The following CWC25 variants were observed in gnomAD, a reference collection of about 807,000 sequenced individuals.
CWC25 encodes CWC25 spliceosome associated protein.
A neutral mutation model predicts 54.6 loss-of-function variants in CWC25; 31 were observed. That is an observed-to-expected ratio of 0.57 (90% CI 0.43 to 0.77). The LOEUF is 0.77. Among genes scored for constraint, CWC25 ranks in the 30% least tolerant of loss-of-function variants. The pLI is 0.00. For synonymous variants in CWC25, 151 were observed against 187.0 expected (o/e 0.81, Z 1.57); for missense variants, 453 against 529.3 (o/e 0.86, Z 1.41).
At chr17:38,819,381 T>G (rs111929257) in intron 2 of CWC25, among the ~76,000 whole-genome samples, 3,659 of 150,654 alleles carry the variant, frequency 0.024, 175 homozygotes, top group African/African-American at 0.084. Flanking sequence ...TGGTTTTTTT[T>G]TTTTGAGACG....
At position 38,806,374 on chromosome 17, in the gene CWC25, C is replaced by G; in HGVS notation, c.924G>C (p.Arg308Ser). The G allele has an allele frequency of 1.2e-6, 2 of 1,613,628 alleles. No homozygotes were observed. Among genetic ancestry groups the G allele is most frequent in the Non-Finnish European group, 1.7e-6 (2 of 1,179,782 alleles). The change falls in exon 8 of 10, where the codon AGG (arginine) becomes AGC (serine). Residue 308 changes from arginine to serine, a missense_variant. Physicochemically the swap from Arg to Ser is moderately radical, Grantham distance 110. Around this residue, in one of 2 missense-constraint regions of CWC25, gnomAD observed 444 missense variants for 499.2 expected, o/e 0.89. Coordinates refer to ENST00000614790, the MANE Select transcript of CWC25 (RefSeq NM_017748.5). Reference sequence around the variant, plus strand: ...GGCTCCTAGTTTGGCCTGTCTCTCTCCTGTTCACCTTAGAGTTGTGCCTGT... The same window carrying G: ...GGCTCCTAGTTTGGCCTGTCTCTCTGCTGTTCACCTTAGAGTTGTGCCTGT... ...PSKLHNSKVN[R>S]RETGQTRSPS...
At chr17:38,815,799 G>A in intron 2 of CWC25, 1 of 628,836 alleles carries the variant, frequency 1.6e-6, no homozygotes, top group Non-Finnish European at 2.3e-6. Flanking sequence ...AACAATTTCA[G>A]TGACCACATA....
Position 38,810,385 on chromosome 17 carries a change from G to A in CWC25, c.626+83C>T, listed in dbSNP as rs1298353538. On this transcript the variant is annotated intron_variant, in intron 5 of 9. Transcript: ENST00000614790. ...CCAGTACCTGGCAGCTTCCAGCACA[G>A]GGCAGGTGTTCATGTCTGTGGAATG... The A allele has an allele frequency of 3.5e-6, 5 of 1,412,222 alleles. No individual in the cohort carries two copies. The South Asian group carries it at 7.3e-5, about 21-fold the overall frequency. 87.5% of individuals were successfully genotyped at this position (1,412,222 alleles called of 1,614,324 possible).
At chr17:38,809,571 G>C (rs1911401938) in intron 6 of CWC25, 131 bp downstream of exon 6, 1 of 702,708 alleles carries the variant, frequency 1.4e-6, no homozygotes, top group Non-Finnish European at 2.4e-6. Flanking sequence ...ACAAGAAGGT[G>C]CTCAGCGATA....
intron 8 of CWC25, among the ~76,000 whole-genome samples, chr17:38,803,908 A>G (rs1236750434): frequency 2.0e-5 from 3 of 151,862 alleles, no homozygotes; most frequent in African/African-American, 7.3e-5. Context: ...TTAGTTGGGC[A>G]TGGTGGCACC....
chr17:38,818,330 A>C (rs1047197838), intron 2 of CWC25, among the ~76,000 whole-genome samples: 15 of 151,912 alleles, frequency 9.9e-5, no homozygotes, highest in African/African-American at 3.6e-4. Flanking sequence ...ACTGTGGCTC[A>C]CATCTGTAAT....
chr17:38,824,704 C>T (rs1912071589), intron 1 of CWC25, among the ~76,000 whole-genome samples: 1 of 151,306 alleles, frequency 6.6e-6, no homozygotes, highest in African/African-American at 2.4e-5. Context: ...AAATAAAAAA[C>T]GACCCCAGGG....
rs564204373 is a variant in CWC25 at position 38,823,975 on chromosome 17, G to A, written c.18+1191C>T. ...TTATCTAGGCCAAACTGTCAAGAGCGCTAATGTTGAGAAACCCTGGATTAG... is the reference window on the plus strand; with the variant it reads ...TTATCTAGGCCAAACTGTCAAGAGCACTAATGTTGAGAAACCCTGGATTAG... On this transcript the variant is annotated intron_variant, in intron 1 of 9. Coordinates refer to ENST00000614790, the MANE Select transcript of CWC25 (RefSeq NM_017748.5). Among the ~76,000 whole-genome samples the A allele has an allele frequency of 4.6e-5, 7 of 152,278 alleles. No homozygotes were observed. In the South Asian group the frequency reaches 1.0e-3, roughly 23 times the overall value.
intron 2 of CWC25, 101 bp downstream of exon 2, chr17:38,820,800 C>T: frequency 7.4e-7 from 1 of 1,351,432 alleles, no homozygotes; most frequent in Non-Finnish European, 1.0e-6. Context: ...CATTACAACC[C>T]ATGCCCTTAA....
chr17:38,802,766 T>C lies in CWC25; in HGVS notation c.1097A>G (p.His366Arg). ...CTGCTCCCGTTCCTCATCCTTAGCATGCCTCTTGAGGATGTTCAGTCTCTC... is the reference window on the plus strand; with the variant it reads ...CTGCTCCCGTTCCTCATCCTTAGCACGCCTCTTGAGGATGTTCAGTCTCTC... ...EEERLNILKRHAKDEEREQRL... is the reference protein window; with the variant it reads ...EEERLNILKRRAKDEEREQRL... The change falls in exon 9 of 10, where the codon CAT (histidine) becomes CGT (arginine). Residue 366 changes from histidine (H) to arginine (R), a missense_variant. Around this residue, in one of 2 missense-constraint regions of CWC25, gnomAD observed 444 missense variants for 499.2 expected, o/e 0.89. Transcript: ENST00000614790. 1.9e-6 allele frequency: 3 copies of C among 1,614,044 alleles called. No individual in the cohort carries two copies. In the South Asian group the frequency reaches 3.3e-5, roughly 18 times the overall value.
rs1309929436 is a variant in CWC25, at chr17:38,821,021, C to T, written c.71G>A (p.Trp24Ter). Residue 24 changes from tryptophan (W) to a stop codon, truncating the protein, a stop_gained, in exon 2 of 10, where the codon TGG (tryptophan) becomes TAG (stop). Transcript: ENST00000614790. LOFTEE classifies it high-confidence loss of function. The stretch of plus-strand genomic sequence containing the variant: ...AGCCTCATGCTTCTGCTCGGCCTTC[C>T]ACACTTTCTCCACATTCCTGAGGGT... The part of the protein sequence containing the change: ...PQTLRNVEKV[W>*]KAEQKHEAER... 6.2e-7 allele frequency: 1 copy of T among 1,613,950 alleles called. No individual in the cohort carries two copies. Among genetic ancestry groups the T allele is most frequent in the Admixed American group, 1.7e-5 (1 of 59,968 alleles).
intron 4 of CWC25, among the ~76,000 whole-genome samples, chr17:38,812,037 C>G (rs768512326): frequency 6.6e-6 from 1 of 151,856 alleles, no homozygotes. Context: ...CTCCCGGGTT[C>G]AAGCAAGTCT....
chr17:38,806,780 GGGGACCGTGACCTTCTGCCCA>G lies in CWC25; in HGVS notation c.866_886del (p.Leu289_Ser295del), dbSNP rs1051632361. On this transcript the variant is annotated inframe_deletion, in exon 7 of 10. Coordinates refer to ENST00000614790, the MANE Select transcript of CWC25 (RefSeq NM_017748.5). ...CCACACTCACAGTTTGCTGGGTCTT[GGGGACCGTGACCTTCTGCCCA>G]GGGATCGAGACCTCCTGTCCCGGGA... 3 of 1,597,512 alleles carry G rather than the reference GGGGACCGTGACCTTCTGCCCA, an allele frequency of 1.9e-6. No individual in the cohort carries two copies. The African/African-American group carries it at 4.0e-5, about 22-fold the overall frequency.
intron 5 of CWC25, among the ~76,000 whole-genome samples, chr17:38,810,073 A>T (rs774020646): frequency 2.0e-5 from 3 of 152,098 alleles, no homozygotes; most frequent in Non-Finnish European, 4.4e-5. Context: ...CTGCTTCCAC[A>T]GGAAGACATG....
At chr17:38,808,646 T>C (rs7224109) in intron 6 of CWC25, among the ~76,000 whole-genome samples, 9,446 of 143,618 alleles carry the variant, frequency 0.066, 1,801 homozygotes, top group Non-Finnish European at 0.1. Flanking sequence ...CCAGGTGTGA[T>C]GGCAGGTGCC....
chr17:38,819,454 C>A (rs1911836121), intron 2 of CWC25, among the ~76,000 whole-genome samples: 1 of 151,896 alleles, frequency 6.6e-6, no homozygotes. Flanking sequence ...GCAACCTCCA[C>A]CTTCTGGGTT....
At chr17:38,802,659 C>G (rs776825818) in intron 9 of CWC25, 41 bp downstream of exon 9, 11 of 1,609,360 alleles carry the variant, frequency 6.8e-6, no homozygotes, top group Non-Finnish European at 9.3e-6. Context: ...CTCTTAAGAC[C>G]TTCCCCATGA....
At chr17:38,803,559 G>T (rs1911110965) in intron 8 of CWC25, among the ~76,000 whole-genome samples, 1 of 152,160 alleles carries the variant, frequency 6.6e-6, no homozygotes. Flanking sequence ...GAACCGAGGA[G>T]GCGGAGGTTG....
At chr17:38,804,434 C>T (rs779349549) in intron 8 of CWC25, among the ~76,000 whole-genome samples, 23 of 152,036 alleles carry the variant, frequency 1.5e-4, no homozygotes, top group Non-Finnish European at 2.4e-4. Flanking sequence ...CTTTGGGAGG[C>T]CAAGGCAGGT....
Sources: allele counts gnomAD v4.1 joint callset (sites outside exome capture counted in the v4.1 genomes callset), GRCh38; gene constraint gnomAD v4.1.1; regional missense constraint gnomAD v4.1.1; transcripts MANE v1.5; gene names NCBI Gene and HGNC (gene_info 2026-07-23, HGNC 2026-07-21).